Variants in TTC17 observed in about 807,000 individuals in gnomAD.
TTC17 encodes tetratricopeptide repeat protein 17.
In TTC17, 58 loss-of-function variants were observed where a neutral mutation model predicts 143.8. The ratio of observed to expected loss-of-function variants is 0.40; its 90% CI spans 0.33 to 0.50. The LOEUF is 0.50. Ranked by LOEUF, TTC17 falls within the 20% of genes least tolerant of loss-of-function variation. The probability of loss-of-function intolerance (pLI) is 0.49; values close to 1 mark genes in which losing one functional copy is unlikely to be tolerated. For missense variants in TTC17, 1,273 were observed against 1,392.5 expected, an observed-to-expected ratio of 0.91 and a Z score of 1.37; for synonymous variants, 501 against 497.8, an observed-to-expected ratio of 1.01 and a Z score of -0.09.
chr11:43,435,608 A>G (rs971541188), intron 16 of TTC17, among the ~76,000 whole-genome samples: 1 of 152,246 alleles, frequency 6.6e-6, no homozygotes, highest in Non-Finnish European at 1.5e-5. Flanking sequence ...CTGTTTTCCA[A>G]AAGAAACATT....
At chr11:43,429,816 A>G (rs1329143222) in intron 16 of TTC17, among the ~76,000 whole-genome samples, 7 of 152,236 alleles carry the variant, frequency 4.6e-5, no homozygotes, top group South Asian at 2.1e-4. Context: ...TATTTTCCAC[A>G]TAGGTACTTT....
intron 21 of TTC17, among the ~76,000 whole-genome samples, chr11:43,466,042 G>C (rs1564975869): frequency 6.6e-6 from 1 of 151,970 alleles, no homozygotes; most frequent in South Asian, 2.1e-4. Flanking sequence ...TCTAATAAAG[G>C]GTTAATATTT....
intron 22 of TTC17, chr11:43,491,316 T>C (rs1238943222): frequency 6.6e-6 from 1 of 152,230 alleles, no homozygotes; most frequent in Non-Finnish European, 1.5e-5. Flanking sequence ...TTTGTGATGA[T>C]AGCAATCTTG....
At chr11:43,403,526 C>A (rs147544854) in intron 10 of TTC17, among the ~76,000 whole-genome samples, 37 of 152,244 alleles carry the variant, frequency 2.4e-4, no homozygotes, top group African/African-American at 8.2e-4. Flanking sequence ...CAAAACTTTT[C>A]TTTGTAATTG....
chr11:43,486,146 A>G (rs975334818), intron 21 of TTC17, among the ~76,000 whole-genome samples: 5 of 132,244 alleles, frequency 3.8e-5, no homozygotes, highest in African/African-American at 1.5e-4. Context: ...TCTGCATACA[A>G]TACGCCATAG....
chr11:43,431,951 C>G (rs995018799), intron 16 of TTC17, among the ~76,000 whole-genome samples: 1 of 152,222 alleles, frequency 6.6e-6, no homozygotes, highest in African/African-American at 2.4e-5. Context: ...GTTTTGATGC[C>G]TCTCAATTCA....
intron 20 of TTC17, among the ~76,000 whole-genome samples, chr11:43,450,586 A>G (rs1226022320): frequency 6.6e-6 from 1 of 152,214 alleles, no homozygotes; most frequent in Admixed American, 6.5e-5. Flanking sequence ...AGCAGACCCA[A>G]TATATACCTA....
chr11:43,463,508 A>T (rs1470544004), intron 21 of TTC17, among the ~76,000 whole-genome samples: 1 of 150,444 alleles, frequency 6.6e-6, no homozygotes, highest in Admixed American at 6.6e-5. Flanking sequence ...ACCTTAGGCA[A>T]TTTTTTTTTT....
At position 43,389,813 on chromosome 11, in the gene TTC17, A is replaced by G. The variant is rs769343216; in HGVS notation, c.411A>G (p.Lys137=). The G allele has an allele frequency of 6.3e-7, 1 of 1,596,446 alleles. No homozygotes were observed. Among genetic ancestry groups the G allele is most frequent in the Non-Finnish European group, 8.5e-7 (1 of 1,174,926 alleles). The change falls in exon 3 of 24, where the codon AAA becomes AAG. Residue 137 remains lysine, a synonymous_variant. Coordinates refer to ENST00000039989, the MANE Select transcript of TTC17 (RefSeq NM_018259.6). ...GCACATACATAACTTTGGAGAGCAA[A>G]GACATCAGGTAAAGAAGTTCTCTTT... is the stretch of plus-strand genomic sequence containing the variant. The part of the protein sequence containing the change: ...YDGTYITLES[K]DISPEDYIDT...
chr11:43,453,622 C>G (rs964271894), intron 21 of TTC17, among the ~76,000 whole-genome samples: 9 of 152,084 alleles, frequency 5.9e-5, no homozygotes, highest in African/African-American at 2.2e-4. Flanking sequence ...CTTCAGACAG[C>G]CAAAATGACC....
intron 21 of TTC17, among the ~76,000 whole-genome samples, chr11:43,467,621 CTG>C (rs1406750832): frequency 2.0e-5 from 3 of 152,162 alleles, no homozygotes; most frequent in Non-Finnish European, 2.9e-5. Flanking sequence ...CACTACTGAA[CTG>C]TGTACTTAGA....
At position 43,405,939 on chromosome 11, in the gene TTC17, C is replaced by T. The variant is rs1858107067; in HGVS notation, c.1749C>T (p.Asp583=). 1 of 1,612,850 alleles carries T rather than the reference C, an allele frequency of 6.2e-7. No individual in the cohort carries two copies. Residue 583 remains aspartate, a synonymous_variant, in exon 13 of 24, where the codon GAC becomes GAT. Coordinates refer to ENST00000039989, the MANE Select transcript of TTC17 (RefSeq NM_018259.6). ...ATCTGAAAGCCAAAATGCCAGATGA[C>T]CATGCACGAAAAGTAAGGCTCACTT... The part of the protein sequence containing the change: ...RMDLKAKMPD[D]HARKILLSRI...
rs910654091 is a variant in TTC17, at chr11:43,359,055, G to A, written c.101G>A (p.Arg34Gln). ...SLSALLSVAA[R>Q]GAFATTHWVV... is the part of the protein sequence containing the mutation. The stretch of plus-strand genomic sequence containing the variant: ...TCCGCCTTGCTGAGTGTGGCGGCAC[G>A]AGGGGCCTTCGCCACCACGCACTGG... Residue 34 changes from arginine (R) to glutamine (Q), a missense_variant, in exon 1 of 24, where the codon CGA becomes CAA. By Grantham distance (43) the Arg-to-Gln change is conservative. Coordinates refer to ENST00000039989, the MANE Select transcript of TTC17 (RefSeq NM_018259.6). 2.5e-6 allele frequency: 4 copies of A among 1,590,962 alleles called. No individual in the cohort carries two copies. In the African/African-American group the frequency reaches 4.1e-5, roughly 16 times the overall value.
intron 16 of TTC17, among the ~76,000 whole-genome samples, chr11:43,431,618 G>A (rs1188797519): frequency 6.6e-6 from 1 of 152,160 alleles, no homozygotes; most frequent in African/African-American, 2.4e-5. Context: ...AGGGAGTCAG[G>A]GCTAATAATA....
intron 9 of TTC17, 120 bp from the exon 10 acceptor site, chr11:43,401,326 G>C: frequency 6.6e-6 from 4 of 606,330 alleles, no homozygotes; most frequent in Middle Eastern, 3.5e-4. Flanking sequence ...TACGTCCTAC[G>C]TAAGTAGCCT....
chr11:43,401,980 AAAATAAATAAAT>A (rs35991566), intron 10 of TTC17, among the ~76,000 whole-genome samples: 4,123 of 140,408 alleles, frequency 0.029, 153 homozygotes, highest in African/African-American at 0.079. Flanking sequence ...TGTGTCTCAA[AAAATAAATAAAT>A]AAATAAATAA....
At chr11:43,436,536 A>G (rs1947296783) in intron 16 of TTC17, among the ~76,000 whole-genome samples, 1 of 152,218 alleles carries the variant, frequency 6.6e-6, no homozygotes, top group Non-Finnish European at 1.5e-5. Context: ...TTCTGTTGCT[A>G]GAACAAATCT....
Position 43,395,099 on chromosome 11 carries a change from CT to C in TTC17, c.664-1591del, listed in dbSNP as rs34977501. Among the ~76,000 whole-genome samples the C allele has an allele frequency of 2.0e-3, 279 of 137,440 alleles. 1 individual carries two copies. Among genetic ancestry groups the C allele is most frequent in the Middle Eastern group, 0.019 (5 of 268 alleles). The allele number at this position is 137,440 out of a possible 152,430, so 90.2% of individuals were successfully genotyped here. Reference sequence around the variant, plus strand: ...GATCTCTTCAGTAGTTCATGTAGAACTTTTTTTTTTTTTTTTTTTGAGATGG... The same window carrying C: ...GATCTCTTCAGTAGTTCATGTAGAACTTTTTTTTTTTTTTTTTTGAGATGG... On this transcript the variant is annotated intron_variant, in intron 5 of 23. Coordinates refer to ENST00000039989, the MANE Select transcript of TTC17 (RefSeq NM_018259.6).
At chr11:43,377,028 C>CT (rs1856785045) in intron 1 of TTC17, among the ~76,000 whole-genome samples, 2 of 152,178 alleles carry the variant, frequency 1.3e-5, no homozygotes, top group South Asian at 4.1e-4. Context: ...GGCGTGGTGG[C>CT]TCATGCCTGT....
Sources: allele counts gnomAD v4.1 joint callset (sites outside exome capture counted in the v4.1 genomes callset), GRCh38; gene constraint gnomAD v4.1.1; transcripts MANE v1.5; gene names NCBI Gene and HGNC (gene_info 2026-07-23, HGNC 2026-07-21).